SLC26A8: variants seen among roughly 807,000 people sequenced by gnomAD.
SLC26A8 encodes the protein testis anion transporter 1.
SLC26A8 carries 70 observed loss-of-function variants against 105.0 expected under a neutral mutation model. The ratio of observed to expected loss-of-function variants is 0.67; its 90% CI spans 0.55 to 0.81. The LOEUF (loss-of-function observed/expected upper bound fraction) is 0.81, where lower values mean the gene tolerates loss of function less well. Ranked by LOEUF, SLC26A8 falls within the 40% of genes least tolerant of loss-of-function variation. The pLI, the probability that SLC26A8 is intolerant of heterozygous loss-of-function variation, is 0.00. For synonymous variants in SLC26A8, 415 were observed against 438.3 expected, an observed-to-expected ratio of 0.95 and a Z score of 0.66; for missense variants, 998 against 1,181.8, an observed-to-expected ratio of 0.84 and a Z score of 2.28.
rs115405428 is a variant in SLC26A8 at position 36,019,630 on chromosome 6, C to T, written c.78G>A (p.Lys26=). The T allele has an allele frequency of 7.2e-5, 117 of 1,614,180 alleles. 1 individual carries two copies. In the African/African-American group the frequency reaches 1.4e-3, roughly 19 times the overall value. The change falls in exon 2 of 20, where the codon AAG becomes AAA. Residue 26 remains lysine (K), a synonymous_variant. Coordinates refer to ENST00000490799, the MANE Select transcript of SLC26A8 (RefSeq NM_052961.4). ...SRRNSFAYDV[K]REVYNEETFQ... ...AGGTCTCCTCATTGTATACTTCACG[C>T]TTAACATCATATGCGAATGAGTTTC...
intron 14 of SLC26A8, chr6:35,960,485 G>T: frequency 4.5e-6 from 1 of 220,940 alleles, no homozygotes; most frequent in Non-Finnish European, 8.9e-6. Context: ...GTGAGACCCT[G>T]TCTTTACTAA....
At chr6:35,972,267 G>C (rs1401105637) in intron 10 of SLC26A8, among the ~76,000 whole-genome samples, 6 of 152,102 alleles carry the variant, frequency 3.9e-5, no homozygotes, top group African/African-American at 1.4e-4. Context: ...CAGGCAGAGT[G>C]AATCAAGAGC....
In SLC26A8 at chr6:35,965,696, AAAAG is replaced by A. The variant is rs531772810; in HGVS notation, c.1366-3079_1366-3076del. 2.1e-3 allele frequency among the ~76,000 whole-genome samples: 313 copies of A among 149,688 alleles called. 2 individuals carry two copies. Among genetic ancestry groups the A allele is most frequent in the South Asian group, 5.9e-3 (28 of 4,724 alleles). ...AAACTCCATCTCAAAAAAAAAAAAA[AAAAG>A]AAAGAAAGAAAGAAACATTTTTGTT... On this transcript the variant is annotated intron_variant, in intron 11 of 19. Transcript: ENST00000490799.
intron 16 of SLC26A8, among the ~76,000 whole-genome samples, chr6:35,958,047 C>T (rs1400477309): frequency 6.6e-6 from 1 of 152,224 alleles, no homozygotes; most frequent in Non-Finnish European, 1.5e-5. Context: ...ACCTTGGTGT[C>T]TTTGTCGAAG....
intron 7 of SLC26A8, among the ~76,000 whole-genome samples, chr6:35,986,030 T>TA (rs1773508097): frequency 1.5e-5 from 2 of 134,652 alleles, no homozygotes; most frequent in Non-Finnish European, 3.2e-5. Flanking sequence ...ACATCTTTTT[T>TA]TTTTTTTTTT....
At chr6:35,947,185 T>C (rs1294923301) in intron 19 of SLC26A8, among the ~76,000 whole-genome samples, 1 of 152,108 alleles carries the variant, frequency 6.6e-6, no homozygotes, top group Non-Finnish European at 1.5e-5. Context: ...CGCGCCAGCA[T>C]GCCCAGCTAA....
At chr6:35,977,477 C>A in intron 8 of SLC26A8, 126 bp from the exon 9 acceptor site, 2 of 1,044,490 alleles carry the variant, frequency 1.9e-6, no homozygotes, top group South Asian at 2.1e-5. Flanking sequence ...TAGGGACAAG[C>A]GGAGTGATTG....
intron 5 of SLC26A8, among the ~76,000 whole-genome samples, chr6:35,994,283 T>C (rs1455677086): frequency 8.0e-5 from 12 of 150,696 alleles, no homozygotes; most frequent in Non-Finnish European, 1.2e-4. Context: ...CCCGGCTAAT[T>C]TTTTGTATTT....
intron 4 of SLC26A8, among the ~76,000 whole-genome samples, chr6:35,998,957 T>C (rs2127355991): frequency 1.3e-5 from 2 of 152,234 alleles, no homozygotes; most frequent in Middle Eastern, 6.8e-3. Flanking sequence ...TGCAATGGTG[T>C]GATCTTGGCT....
In SLC26A8 at chr6:36,016,096, C is replaced by T. The variant is rs150745075; in HGVS notation, c.188+3424G>A. 6.1e-4 allele frequency among the ~76,000 whole-genome samples: 92 copies of T among 151,964 alleles called. 1 individual carries two copies. In the East Asian group the frequency reaches 0.01, roughly 17 times the overall value. ...GCAACCTCTGCCTCCCGGATTCAAG[C>T]GATTCTCCTGCCTCAGCCTCTCGGG... is the stretch of plus-strand genomic sequence containing the variant. On this transcript the variant is annotated intron_variant, in intron 2 of 19. Transcript: ENST00000490799.
At chr6:35,988,682 G>A (rs2127344945) in intron 7 of SLC26A8, among the ~76,000 whole-genome samples, 1 of 152,042 alleles carries the variant, frequency 6.6e-6, no homozygotes, top group African/African-American at 2.4e-5. Context: ...ATTATTATTA[G>A]ACAGTGAGCC....
intron 7 of SLC26A8, among the ~76,000 whole-genome samples, chr6:35,990,783 A>T (rs2127347606): frequency 6.6e-6 from 1 of 152,350 alleles, no homozygotes; most frequent in African/African-American, 2.4e-5. Flanking sequence ...ATACTAAAGT[A>T]TCAATAGTAG....
intron 3 of SLC26A8, among the ~76,000 whole-genome samples, chr6:36,006,577 C>T (rs908236709): frequency 1.3e-5 from 2 of 152,252 alleles, no homozygotes; most frequent in Non-Finnish European, 2.9e-5. Flanking sequence ...CAACTTTGGT[C>T]TTTATTTAAA....
chr6:35,979,917 T>C (rs1490499529), intron 8 of SLC26A8, among the ~76,000 whole-genome samples: 1 of 152,214 alleles, frequency 6.6e-6, no homozygotes, highest in African/African-American at 2.4e-5. Context: ...CATTTGTCCA[T>C]CTGTAACTTT....
chr6:35,960,978 C>T lies in SLC26A8; in HGVS notation c.1568+15G>A. ...ACCTTGCCTTGTTAACCTCCTATTA[C>T]CTGAGACAAAGTACCTGTGTGAACG... On this transcript the variant is annotated intron_variant, in intron 13 of 19. Transcript: ENST00000490799. 1 of 1,613,910 alleles carries T rather than the reference C, an allele frequency of 6.2e-7. No individual in the cohort carries two copies. The highest frequency in any genetic ancestry group is 2.2e-5 in the East Asian group (1 of 44,880).
intron 11 of SLC26A8, among the ~76,000 whole-genome samples, chr6:35,968,605 G>GAATATATATATATATATA (rs1402291129): frequency 1.9e-5 from 1 of 53,862 alleles, no homozygotes; most frequent in Non-Finnish European, 3.6e-5. Flanking sequence ...GTGTGTGTGT[G>GAATATATATATATATATA]TGTGTATATA....
At chr6:35,945,582 C>T (rs1229665321) in intron 19 of SLC26A8, among the ~76,000 whole-genome samples, 1 of 152,204 alleles carries the variant, frequency 6.6e-6, no homozygotes, top group African/African-American at 2.4e-5. Flanking sequence ...CCTACCTTGT[C>T]CTCCTCCATC....
intron 7 of SLC26A8, chr6:35,990,186 C>G (rs768537529): frequency 6.2e-6 from 1 of 160,460 alleles, no homozygotes; most frequent in African/African-American, 2.4e-5. Flanking sequence ...ATCTGCCTGC[C>G]TTGGCCTCCT....
chr6:36,009,354 AAC>A (rs1164327052), intron 3 of SLC26A8, among the ~76,000 whole-genome samples: 1 of 107,220 alleles, frequency 9.3e-6, no homozygotes, highest in African/African-American at 3.6e-5. Context: ...GCCTCTCAAA[AAC>A]AACAACAACA....
Sources: gnomAD v4.1 joint callset for allele counts (sites outside exome capture counted in the v4.1 genomes callset) on GRCh38, gnomAD v4.1.1 for gene constraint, MANE v1.5 for transcripts, NCBI Gene and HGNC (gene_info 2026-07-23, HGNC 2026-07-21) for gene names.